The following CPNE6 variants were observed in gnomAD, a reference collection of about 807,000 sequenced individuals.
CPNE6 encodes copine 6.
A neutral mutation model predicts 71.5 loss-of-function variants in CPNE6; 33 were observed. That is an observed-to-expected ratio of 0.46 (90% confidence interval 0.35 to 0.62). CPNE6 has a LOEUF of 0.62. Ranked by LOEUF, CPNE6 falls within the 20% of genes least tolerant of loss-of-function variation. The pLI is 0.00. For missense variants in CPNE6, 576 were observed against 747.3 expected (o/e 0.77, Z 2.67); for synonymous variants, 296 against 293.0 (o/e 1.01, Z -0.10).
intron 14 of CPNE6, 27 bp downstream of exon 13, chr14:24,076,584 C>T (rs577486308): frequency 1.2e-5 from 20 of 1,613,700 alleles, no homozygotes; most frequent in Admixed American, 1.7e-5. Flanking sequence ...TCACCTGCCC[C>T]GCCTCCCCGC....
In CPNE6 at chr14:24,075,051, G is replaced by A; in HGVS notation, c.673-121G>A. 28 of 813,552 alleles carry A rather than the reference G, an allele frequency of 3.4e-5. 1 individual carries two copies. The South Asian group carries it at 4.2e-4, about 12-fold the overall frequency. 50.4% of individuals were successfully genotyped at this position (813,552 alleles called of 1,614,324 possible). A position where few individuals can be genotyped will look rare whatever the true frequency, so the allele number is the denominator to read the frequency against. On this transcript the variant is annotated intron_variant, in intron 8 of 17. Coordinates refer to ENST00000397016, the Ensembl canonical transcript of CPNE6. The surrounding 1 kb of genome is among the most constrained non-coding windows in gnomAD (Gnocchi z 4.3). ...CTCTCCGGGCAGGCTGAGGATGTCTGTTTGGGCATGGAGACTCTAAGGCCC... is the reference window on the plus strand; with the variant it reads ...CTCTCCGGGCAGGCTGAGGATGTCTATTTGGGCATGGAGACTCTAAGGCCC...
At position 24,073,737 on chromosome 14, in the gene CPNE6, A is replaced by G. The variant is rs560323301; in HGVS notation, c.348+59A>G. ...CTACCTCCATCAGCTTTGCCTCTGG[A>G]AGCCAAAAAGAGAGAAAACATGAGC... On this transcript the variant is annotated intron_variant, in intron 4 of 17. Coordinates refer to ENST00000397016, the Ensembl canonical transcript of CPNE6. This position sits in a 1 kb window ranked among gnomAD's most constrained non-coding sequence, Gnocchi z 5.5. The G allele has an allele frequency of 1.2e-5, 19 of 1,541,124 alleles. No homozygotes were observed. The African/African-American group carries it at 2.5e-4, about 20-fold the overall frequency.
At chr14:24,072,276 G>C (rs995799566) in intron 2 of CPNE6, 1 of 152,258 alleles carries the variant, frequency 6.6e-6, no homozygotes, top group African/African-American at 2.4e-5. Context: ...AGGTGGGGAG[G>C]GATGTGAGGC....
At position 24,073,233 on chromosome 14, in the gene CPNE6, G is replaced by T; in HGVS notation, c.168+129G>T. The T allele has an allele frequency of 9.0e-7, 1 of 1,105,352 alleles. No individual in the cohort carries two copies. Among genetic ancestry groups the T allele is most frequent in the Non-Finnish European group, 1.2e-6 (1 of 824,574 alleles). 68.5% of individuals were successfully genotyped at this position (1,105,352 alleles called of 1,614,324 possible). A position where few individuals can be genotyped will look rare whatever the true frequency, so the allele number is the denominator to read the frequency against. The stretch of plus-strand genomic sequence containing the variant: ...TGCGGCGCCTTCTCGAGGCCGCTTG[G>T]GTACCCTGGAGATGGTGTCCCAGAG... On this transcript the variant is annotated intron_variant, in intron 3 of 17. Coordinates refer to ENST00000397016, the Ensembl canonical transcript of CPNE6. This position sits in a 1 kb window ranked among gnomAD's most constrained non-coding sequence, Gnocchi z 5.5.
At chr14:24,072,826 C>G in intron 2 of CPNE6, 107 bp from the exon 2 acceptor site, 2 of 1,069,206 alleles carry the variant, frequency 1.9e-6, no homozygotes, top group Non-Finnish European at 2.5e-6. Flanking sequence ...GCCCCAGGGT[C>G]TAGGGAAGGA....
At chr14:24,071,395 C>T in intron 1 of CPNE6, 167 bp from the exon 1 acceptor site, 1 of 1,451,958 alleles carries the variant, frequency 6.9e-7, no homozygotes, top group East Asian at 2.5e-5. Context: ...TAAGCCACCC[C>T]CAGCCTGCCC....
At position 24,074,368 on chromosome 14, in the gene CPNE6, T is replaced by A; in HGVS notation, c.498+3T>A. 1 of 1,553,566 alleles carries A rather than the reference T, an allele frequency of 6.4e-7. No homozygotes were observed. On this transcript the variant is annotated splice_donor_region_variant and intron_variant, in intron 6 of 17. Coordinates refer to ENST00000397016, the Ensembl canonical transcript of CPNE6. The surrounding 1 kb of genome is among the most constrained non-coding windows in gnomAD (Gnocchi z 4.5). ...GAGCCTACAAGCTGGACAACAAGGT[T>A]GGAACCCCAGAGTCCAGGCCCCCAA...
At position 24,074,849 on chromosome 14, in the gene CPNE6, T is replaced by C; in HGVS notation, c.672+54T>C. 1.4e-6 allele frequency: 2 copies of C among 1,470,936 alleles called. No individual in the cohort carries two copies. The highest frequency in any genetic ancestry group is 1.9e-6 in the Non-Finnish European group (2 of 1,065,650). 91.1% of individuals were successfully genotyped at this position (1,470,936 alleles called of 1,614,324 possible). ...TACTTAGAGCAACCAATCTGCTATC[T>C]AAGACCTTTCCCCTGCATGTGGCAA... On this transcript the variant is annotated intron_variant, in intron 8 of 17. Coordinates refer to ENST00000397016, the Ensembl canonical transcript of CPNE6. This position sits in a 1 kb window ranked among gnomAD's most constrained non-coding sequence, Gnocchi z 4.5.
At position 24,075,896 on chromosome 14, in the gene CPNE6, CAG is replaced by C. The variant is rs776230986; in HGVS notation, c.924+13_924+14del. Reference sequence around the variant, plus strand: ...CCAGATCAGCTTCACGGTAAAGACTCAGAGGGAGGGCACACAGGCAAGAGGGA... The same window carrying C: ...CCAGATCAGCTTCACGGTAAAGACTCAGGGAGGGCACACAGGCAAGAGGGA... On this transcript the variant is annotated intron_variant, in intron 11 of 17. Coordinates refer to ENST00000397016, the Ensembl canonical transcript of CPNE6. This position sits in a 1 kb window ranked among gnomAD's most constrained non-coding sequence, Gnocchi z 4.3. 8.7e-6 allele frequency: 14 copies of C among 1,613,884 alleles called. No homozygotes were observed. The highest frequency in any genetic ancestry group is 1.2e-5 in the Non-Finnish European group (14 of 1,179,928).
At position 24,074,456 on chromosome 14, in the gene CPNE6, T is replaced by C; in HGVS notation, c.499-75T>C. Reference sequence around the variant, plus strand: ...TCCCAGGAGCCCAGGCCTGCTCTCTTCCCAGTGGGAGCCCATCCCCCACCC... The same window carrying C: ...TCCCAGGAGCCCAGGCCTGCTCTCTCCCCAGTGGGAGCCCATCCCCCACCC... On this transcript the variant is annotated intron_variant, in intron 6 of 17. Transcript: ENST00000397016. The surrounding 1 kb of genome is among the most constrained non-coding windows in gnomAD (Gnocchi z 4.5). 6.3e-7 allele frequency: 1 copy of C among 1,580,196 alleles called. No individual in the cohort carries two copies. Among genetic ancestry groups the C allele is most frequent in the Non-Finnish European group, 8.7e-7 (1 of 1,151,508 alleles).
chr14:24,073,172 G>C lies in CPNE6; in HGVS notation c.168+68G>C. 2.9e-6 allele frequency: 4 copies of C among 1,387,754 alleles called. No homozygotes were observed. Among genetic ancestry groups the C allele is most frequent in the Non-Finnish European group, 3.7e-6 (4 of 1,067,860 alleles). The allele number at this position is 1,387,754 out of a possible 1,614,324, so 86.0% of individuals were successfully genotyped here. Reference sequence around the variant, plus strand: ...CTTGGGAAAGAGGGAGGCTGGGTGGGAGCAGTGAAAGCCTTGCAGGGAAAT... The same window carrying C: ...CTTGGGAAAGAGGGAGGCTGGGTGGCAGCAGTGAAAGCCTTGCAGGGAAAT... On this transcript the variant is annotated intron_variant, in intron 3 of 17. Transcript: ENST00000397016. The surrounding 1 kb of genome is among the most constrained non-coding windows in gnomAD (Gnocchi z 5.5).
Position 24,074,668 on chromosome 14 carries a change from C to G in CPNE6, c.583-38C>G. The G allele has an allele frequency of 6.2e-7, 1 of 1,613,320 alleles. No homozygotes were observed. Among genetic ancestry groups the G allele is most frequent in the Non-Finnish European group, 8.5e-7 (1 of 1,179,238 alleles). Reference sequence around the variant, plus strand: ...GGAGGGAGAGTAAAGTAAGAAGACACAGACAGGAGCTGACCAGCCACCTGG... The same window carrying G: ...GGAGGGAGAGTAAAGTAAGAAGACAGAGACAGGAGCTGACCAGCCACCTGG... On this transcript the variant is annotated intron_variant, in intron 7 of 17. Coordinates refer to ENST00000397016, the Ensembl canonical transcript of CPNE6. This position sits in a 1 kb window ranked among gnomAD's most constrained non-coding sequence, Gnocchi z 4.5.
rs2036114248 is a variant in CPNE6, at chr14:24,077,238, C to T, written c.1384C>T (p.Leu462=). 1 of 1,613,448 alleles carries T rather than the reference C, an allele frequency of 6.2e-7. No homozygotes were observed. Among genetic ancestry groups the T allele is most frequent in the African/African-American group, 1.3e-5 (1 of 75,050 alleles). Residue 462 remains leucine (L), a synonymous_variant, in exon 16 of 18, where the codon CTG becomes TTG. Transcript: ENST00000397016. This position sits in a 1 kb window ranked among gnomAD's most constrained non-coding sequence, Gnocchi z 6.1. ...CACTGCTATCGTGCGTGCCTCCCGCCTGCCCATGTCCATCATCATCGTAGG... is the reference window on the plus strand; with the variant it reads ...CACTGCTATCGTGCGTGCCTCCCGCTTGCCCATGTCCATCATCATCGTAGG...
chr14:24,074,784 C>T lies in CPNE6; in HGVS notation c.661C>T (p.Arg221Ter), dbSNP rs2036006696. The change falls in exon 8 of 18, where the codon CGA (arginine) becomes TGA (stop). Residue 221 changes from arginine to a stop codon, truncating the protein, a stop_gained. Transcript: ENST00000397016. LOFTEE classifies it high-confidence loss of function. This position sits in a 1 kb window ranked among gnomAD's most constrained non-coding sequence, Gnocchi z 4.5. Reference sequence around the variant, plus strand: ...TTCCCTATGCAGCTGTGATGTTCACCGACCTCTCAAGGTGAAGTCCCAGCC... The same window carrying T: ...TTCCCTATGCAGCTGTGATGTTCACTGACCTCTCAAGGTGAAGTCCCAGCC... 2.5e-6 allele frequency: 4 copies of T among 1,612,470 alleles called. No homozygotes were observed. Among genetic ancestry groups the T allele is most frequent in the Non-Finnish European group, 2.5e-6 (3 of 1,179,348 alleles).
rs2138848751 is a variant in CPNE6 at position 24,075,051 on chromosome 14, G to C, written c.673-121G>C. The C allele has an allele frequency of 1.2e-6, 1 of 813,554 alleles. No individual in the cohort carries two copies. 50.4% of individuals were successfully genotyped at this position (813,554 alleles called of 1,614,324 possible). A position where few individuals can be genotyped will look rare whatever the true frequency, so the allele number is the denominator to read the frequency against. ...CTCTCCGGGCAGGCTGAGGATGTCTGTTTGGGCATGGAGACTCTAAGGCCC... is the reference window on the plus strand; with the variant it reads ...CTCTCCGGGCAGGCTGAGGATGTCTCTTTGGGCATGGAGACTCTAAGGCCC... On this transcript the variant is annotated intron_variant, in intron 8 of 17. Transcript: ENST00000397016. The surrounding 1 kb of genome is among the most constrained non-coding windows in gnomAD (Gnocchi z 4.3).
chr14:24,075,861 T>C lies in CPNE6; in HGVS notation c.899T>C (p.Met300Thr). The C allele has an allele frequency of 6.2e-7, 1 of 1,614,060 alleles. No homozygotes were observed. Among genetic ancestry groups the C allele is most frequent in the Non-Finnish European group, 8.5e-7 (1 of 1,180,012 alleles). ...GTGCACACCTTCCTGGATTACATCA[T>C]GGGTGGCTGCCAGATCAGCTTCACG... The change falls in exon 11 of 18, where the codon ATG becomes ACG. Residue 300 changes from methionine to threonine, a missense_variant. This residue lies in a region of CPNE6 where 9 missense variants were observed against 35.7 expected (regional missense o/e 0.25). Coordinates refer to ENST00000397016, the Ensembl canonical transcript of CPNE6. This position sits in a 1 kb window ranked among gnomAD's most constrained non-coding sequence, Gnocchi z 4.3.
At chr14:24,071,150 T>A in intron 1 of CPNE6, 2 of 1,151,938 alleles carry the variant, frequency 1.7e-6, no homozygotes, top group Non-Finnish European at 2.5e-6. Flanking sequence ...TGTTTCCCAA[T>A]GTGTATCCGC....
Position 24,074,451 on chromosome 14 carries a change from T to C in CPNE6, c.499-80T>C. The C allele has an allele frequency of 6.3e-7, 1 of 1,584,622 alleles. No homozygotes were observed. On this transcript the variant is annotated intron_variant, in intron 6 of 17. Transcript: ENST00000397016. The surrounding 1 kb of genome is among the most constrained non-coding windows in gnomAD (Gnocchi z 4.5). ...ACAGATCCCAGGAGCCCAGGCCTGCTCTCTTCCCAGTGGGAGCCCATCCCC... is the reference window on the plus strand; with the variant it reads ...ACAGATCCCAGGAGCCCAGGCCTGCCCTCTTCCCAGTGGGAGCCCATCCCC...
intron 14 of CPNE6, 103 bp from the exon 14 acceptor site, chr14:24,076,776 G>C: frequency 6.4e-7 from 1 of 1,569,192 alleles, no homozygotes; most frequent in Admixed American, 1.7e-5. Context: ...GGAACTCGAG[G>C]GGAGGGCAGT....
Sources: allele counts gnomAD v4.1 joint callset, GRCh38; gene constraint gnomAD v4.1.1; regional missense constraint gnomAD v4.1.1; non-coding constraint Gnocchi (gnomAD v3.1); transcripts MANE v1.5; gene names NCBI Gene and HGNC (gene_info 2026-07-23, HGNC 2026-07-21).